Variants in RBM23 observed in about 807,000 individuals in gnomAD.
The protein encoded by RBM23 is RNA binding motif protein 23.
In RBM23, 53 loss-of-function variants were observed where a neutral mutation model predicts 56.2. That is an observed-to-expected ratio of 0.94 (90% confidence interval 0.76 to 1.19). The LOEUF is 1.19. RBM23 is among the 50% of genes most tolerant of loss of function. The pLI, the probability that RBM23 is intolerant of heterozygous loss-of-function variation, is 0.00. For missense variants in RBM23, 642 were observed against 590.3 expected, an observed-to-expected ratio of 1.09 and a Z score of -0.91; for synonymous variants, 197 against 198.5, an observed-to-expected ratio of 0.99 and a Z score of 0.06.
Position 22,906,179 on chromosome 14 carries a change from T to G in RBM23, c.401+16A>C, listed in dbSNP as rs202215491. 5.6e-6 allele frequency: 9 copies of G among 1,612,728 alleles called. No homozygotes were observed. In the East Asian group the frequency reaches 2.0e-4, roughly 36 times the overall value. ...GATTATTATACAAAAGTGAATCTAT[T>G]AGCAAAAAGTGATACCCAGTGGCAA... On this transcript the variant is annotated intron_variant, in intron 5 of 13. Transcript: ENST00000359890.
Position 22,893,461 on chromosome 14 carries a change from C to G in RBM23, c.*8269G>C, listed in dbSNP as rs1355425538. On this transcript the variant is annotated 3_prime_UTR_variant, in exon 14 of 14. Coordinates refer to ENST00000359890, the MANE Select transcript of RBM23 (RefSeq NM_001077351.2). ...ATGGATGAGGTGATACAGCACAAAACAGGCAAAATAGCAGCAAACAATACC... is the reference window on the plus strand; with the variant it reads ...ATGGATGAGGTGATACAGCACAAAAGAGGCAAAATAGCAGCAAACAATACC... The G allele has an allele frequency of 6.6e-6, 1 of 152,190 alleles. No homozygotes were observed. The highest frequency in any genetic ancestry group is 1.5e-5 in the Non-Finnish European group (1 of 68,042). The allele number at this position is 152,190 out of a possible 1,614,324, so 9.4% of individuals were successfully genotyped here.
intron 6 of RBM23, 72 bp downstream of exon 6, chr14:22,905,534 C>T (rs1162487778): frequency 1.3e-6 from 2 of 1,586,730 alleles, no homozygotes; most frequent in Non-Finnish European, 1.7e-6. Context: ...ATTACACATT[C>T]CTGTAATTTG....
At chr14:22,905,485 C>G (rs984610438) in intron 6 of RBM23, 32 bp from the exon 7 acceptor site, 112 of 1,605,782 alleles carry the variant, frequency 7.0e-5, no homozygotes, top group Non-Finnish European at 9.0e-5. Context: ...GACCAGCCCT[C>G]CCAATACCTG....
chr14:22,911,309 G>T lies in RBM23; in HGVS notation c.66+19C>A. The T allele has an allele frequency of 6.2e-7, 1 of 1,609,200 alleles. No homozygotes were observed. The highest frequency in any genetic ancestry group is 1.1e-5 in the South Asian group (1 of 90,882). The stretch of plus-strand genomic sequence containing the variant: ...CTTTCTCATTAACCCAATTCCAGGA[G>T]TGAGGTGGAAAATATTACCTCTTCT... On this transcript the variant is annotated intron_variant, in intron 2 of 13. Coordinates refer to ENST00000359890, the MANE Select transcript of RBM23 (RefSeq NM_001077351.2).
At position 22,904,937 on chromosome 14, in the gene RBM23, C is replaced by T. The variant is rs1367815577; in HGVS notation, c.802G>A (p.Gly268Ser). The T allele has an allele frequency of 1.2e-6, 2 of 1,614,134 alleles. No homozygotes were observed. Among genetic ancestry groups the T allele is most frequent in the Admixed American group, 1.7e-5 (1 of 60,014 alleles). The stretch of plus-strand genomic sequence containing the variant: ...TCAGTGATATTGAAGTGCAGGGAAC[C>T]CACATAGAGGCGCATTGGTCCACCA... ...GNGGPMRLYVGSLHFNITEDM... is the reference protein window; with the variant it reads ...GNGGPMRLYVSSLHFNITEDM... Residue 268 changes from glycine to serine, a missense_variant, in exon 9 of 14, where the codon GGT becomes AGT. Gly to Ser is a moderately conservative substitution (Grantham distance 56). Coordinates refer to ENST00000359890, the MANE Select transcript of RBM23 (RefSeq NM_001077351.2).
intron 13 of RBM23, 38 bp from the exon 14 acceptor site, chr14:22,901,771 G>A (rs45590345): frequency 6.2e-7 from 1 of 1,614,002 alleles, no homozygotes; most frequent in South Asian, 1.1e-5. Context: ...CCAAAGGAAA[G>A]AGAATAATCA....
At chr14:22,910,782 G>A (rs1296127730) in intron 2 of RBM23, among the ~76,000 whole-genome samples, 1 of 152,228 alleles carries the variant, frequency 6.6e-6, no homozygotes. Flanking sequence ...GAAGGCCAAG[G>A]TGGGTGGATC....
At position 22,900,722 on chromosome 14, in the gene RBM23, C is replaced by G. The variant is rs766338376; in HGVS notation, c.*1008G>C. 17 of 152,068 alleles carry G rather than the reference C, an allele frequency of 1.1e-4. No individual in the cohort carries two copies. Among genetic ancestry groups the G allele is most frequent in the Admixed American group, 6.6e-4 (10 of 15,250 alleles). 9.4% of individuals were successfully genotyped at this position (152,068 alleles called of 1,614,324 possible). On this transcript the variant is annotated 3_prime_UTR_variant, in exon 14 of 14. Coordinates refer to ENST00000359890, the MANE Select transcript of RBM23 (RefSeq NM_001077351.2). ...GAAGTTGTCAGACACACAACAAAGA[C>G]CACACACAAATGGGCAACAGCTGCC...
chr14:22,897,776 C>A lies in RBM23; in HGVS notation c.*3954G>T, dbSNP rs2040271796. On this transcript the variant is annotated 3_prime_UTR_variant, in exon 14 of 14. Transcript: ENST00000359890. ...GCAGGTAAGGTTAAGATCAAGGGAT[C>A]TGAAGCGAGAGTACTTGGATTGGAA... The A allele has an allele frequency of 6.6e-6, 1 of 152,196 alleles. No homozygotes were observed. The highest frequency in any genetic ancestry group is 2.1e-4 in the South Asian group (1 of 4,830). The allele number at this position is 152,196 out of a possible 1,614,324, so 9.4% of individuals were successfully genotyped here.
chr14:22,898,292 C>T lies in RBM23; in HGVS notation c.*3438G>A, dbSNP rs1245569041. 6.6e-6 allele frequency: 1 copy of T among 152,198 alleles called. No individual in the cohort carries two copies. The highest frequency in any genetic ancestry group is 1.5e-5 in the Non-Finnish European group (1 of 68,046). The allele number at this position is 152,198 out of a possible 1,614,324, so 9.4% of individuals were successfully genotyped here. A position where few individuals can be genotyped will look rare whatever the true frequency, so the allele number is the denominator to read the frequency against. ...GGAAATGCTGCCACCTTAGTGAATACAGAAGCATAGACTGGAAGTCAAAAA... is the reference window on the plus strand; with the variant it reads ...GGAAATGCTGCCACCTTAGTGAATATAGAAGCATAGACTGGAAGTCAAAAA... On this transcript the variant is annotated 3_prime_UTR_variant, in exon 14 of 14. Coordinates refer to ENST00000359890, the MANE Select transcript of RBM23 (RefSeq NM_001077351.2).
chr14:22,895,067 T>C lies in RBM23; in HGVS notation c.*6663A>G, dbSNP rs1479238691. On this transcript the variant is annotated 3_prime_UTR_variant, in exon 14 of 14. Transcript: ENST00000359890. ...AAAAAATTAATTAATTAATTAAAAATAAATAAATAAGGCCCAGTGCAGTGG... is the reference window on the plus strand; with the variant it reads ...AAAAAATTAATTAATTAATTAAAAACAAATAAATAAGGCCCAGTGCAGTGG... 6.9e-6 allele frequency: 1 copy of C among 143,910 alleles called. No individual in the cohort carries two copies. The highest frequency in any genetic ancestry group is 1.5e-5 in the Non-Finnish European group (1 of 66,030). The allele number at this position is 143,910 out of a possible 1,614,324, so 8.9% of individuals were successfully genotyped here. A position where few individuals can be genotyped will look rare whatever the true frequency, so the allele number is the denominator to read the frequency against.
Position 22,901,609 on chromosome 14 carries a change from A to G in RBM23, c.*121T>C. ...TTAAGGGTGGCCCCAATTTCCTCAG[A>G]GACAATGTCCATGCCCTCAGGATGG... is the stretch of plus-strand genomic sequence containing the variant. On this transcript the variant is annotated 3_prime_UTR_variant, in exon 14 of 14. Coordinates refer to ENST00000359890, the MANE Select transcript of RBM23 (RefSeq NM_001077351.2). 1 of 1,423,592 alleles carries G rather than the reference A, an allele frequency of 7.0e-7. No homozygotes were observed. The highest frequency in any genetic ancestry group is 9.8e-7 in the Non-Finnish European group (1 of 1,020,354). The allele number at this position is 1,423,592 out of a possible 1,614,324, so 88.2% of individuals were successfully genotyped here.
chr14:22,904,340 A>T lies in RBM23; in HGVS notation c.865-14T>A. The T allele has an allele frequency of 6.3e-7, 1 of 1,591,846 alleles. No homozygotes were observed. Among genetic ancestry groups the T allele is most frequent in the Non-Finnish European group, 8.6e-7 (1 of 1,161,090 alleles). On this transcript the variant is annotated splice_polypyrimidine_tract_variant and intron_variant, in intron 9 of 13. Coordinates refer to ENST00000359890, the MANE Select transcript of RBM23 (RefSeq NM_001077351.2). ...AATATTATCAATCTGTAGAAGAGTG[A>T]GAAATTATCAGTAAACTTTTGACTA... is the stretch of plus-strand genomic sequence containing the variant.
intron 2 of RBM23, 47 bp downstream of exon 2, chr14:22,911,281 A>G (rs988670053): frequency 6.8e-7 from 1 of 1,466,662 alleles, no homozygotes; most frequent in Non-Finnish European, 9.5e-7. Context: ...ATCGACAACT[A>G]CTCTTTCTCA....
intron 5 of RBM23, 136 bp from the exon 6 acceptor site, chr14:22,905,795 C>G: frequency 1.4e-6 from 1 of 724,050 alleles, no homozygotes; most frequent in Non-Finnish European, 2.3e-6. Context: ...GTCACCCAGG[C>G]TGGAGTGCAG....
rs2040356753 is a variant in RBM23, at chr14:22,900,485, A to C, written c.*1245T>G. ...GGTGCTGCAACTTGGCTGTTTGGGT[A>C]ATTCTGTCCAGTGGGTAGCTGGGAT... is the stretch of plus-strand genomic sequence containing the variant. On this transcript the variant is annotated 3_prime_UTR_variant, in exon 14 of 14. Transcript: ENST00000359890. 1.3e-5 allele frequency: 2 copies of C among 152,266 alleles called. No homozygotes were observed. The allele number at this position is 152,266 out of a possible 1,614,324, so 9.4% of individuals were successfully genotyped here. A position where few individuals can be genotyped will look rare whatever the true frequency, so the allele number is the denominator to read the frequency against.
rs2040342685 is a variant in RBM23, at chr14:22,900,334, CCCCCCT to C, written c.*1390_*1395del. ...CTTAACTCTTCAAGATCACAACCCC[CCCCCCT>C]CCCCGCCCCGCCCCACTAGAAAAAA... On this transcript the variant is annotated 3_prime_UTR_variant, in exon 14 of 14. Coordinates refer to ENST00000359890, the MANE Select transcript of RBM23 (RefSeq NM_001077351.2). The C allele has an allele frequency of 2.0e-5, 3 of 151,370 alleles. No individual in the cohort carries two copies. The highest frequency in any genetic ancestry group is 2.0e-4 in the Admixed American group (3 of 15,160). 9.4% of individuals were successfully genotyped at this position (151,370 alleles called of 1,614,324 possible). A position where few individuals can be genotyped will look rare whatever the true frequency, so the allele number is the denominator to read the frequency against.
chr14:22,905,656 AT>A lies in RBM23; in HGVS notation c.404del (p.Tyr135LeufsTer24). The A allele has an allele frequency of 6.2e-7, 1 of 1,602,460 alleles. No individual in the cohort carries two copies. The highest frequency in any genetic ancestry group is 1.1e-5 in the South Asian group (1 of 90,704). On this transcript the variant is annotated frameshift_variant and splice_region_variant, in exon 6 of 14. Transcript: ENST00000359890. LOFTEE classifies it high-confidence loss of function. ...GAGGACTCTTACTGTGTCCATACCT[AT>A]AACTAAAGAATAGAGAAAAACAAAA... Reference protein sequence around the residue: ...HYRSPPLATGYRYGHSKSPHF... With the variant: ...HYRSPPLATGXRYGHSKSPHF...
intron 4 of RBM23, among the ~76,000 whole-genome samples, chr14:22,907,172 T>G (rs2041718851): frequency 6.7e-6 from 1 of 149,996 alleles, no homozygotes; most frequent in Admixed American, 6.6e-5. Flanking sequence ...AGACTCTGTC[T>G]CAAAAAACAA....
Sources: gnomAD v4.1 joint callset for allele counts (sites outside exome capture counted in the v4.1 genomes callset) on GRCh38, gnomAD v4.1.1 for gene constraint, MANE v1.5 for transcripts, NCBI Gene and HGNC (gene_info 2026-07-23, HGNC 2026-07-21) for gene names.